SLC14A2: variants seen among roughly 807,000 people sequenced by gnomAD.
SLC14A2 encodes the protein solute carrier family 14 member 2, also known as urea transporter 2.
SLC14A2 carries 91 observed loss-of-function variants against 104.6 expected under a neutral mutation model. That is an observed-to-expected ratio of 0.87 (90% CI 0.73 to 1.04). SLC14A2 has a LOEUF of 1.04. SLC14A2 is among the 50% of genes least tolerant of loss of function. SLC14A2 has a pLI of 0.00. For synonymous variants in SLC14A2, 476 were observed against 466.4 expected, an observed-to-expected ratio of 1.02 and a Z score of -0.27; for missense variants, 1,189 against 1,156.0, an observed-to-expected ratio of 1.03 and a Z score of -0.41.
intron 1 of SLC14A2, among the ~76,000 whole-genome samples, chr18:45,418,914 C>A (rs531024235): frequency 3.3e-5 from 5 of 152,052 alleles, no homozygotes; most frequent in Non-Finnish European, 7.4e-5. Context: ...AGGGTCCACT[C>A]CTGGTGCAAG....
chr18:45,308,253 T>A (rs1053288839), intron 1 of SLC14A2, among the ~76,000 whole-genome samples: 3 of 152,170 alleles, frequency 2.0e-5, no homozygotes, highest in Non-Finnish European at 4.4e-5. Flanking sequence ...TCTGTGTGCA[T>A]GTTTATCTGT....
chr18:45,195,236 C>T, the SLC14A2 span, among the ~76,000 whole-genome samples: 1 of 152,090 alleles, frequency 6.6e-6, no homozygotes, highest in South Asian at 2.1e-4. Context: ...TAGACTTTGG[C>T]CTTAGCCACA....
intron 2 of SLC14A2, among the ~76,000 whole-genome samples, chr18:45,587,796 G>T (rs976675900): frequency 1.3e-5 from 2 of 152,152 alleles, no homozygotes; most frequent in Non-Finnish European, 2.9e-5. Flanking sequence ...GCTATGTGTG[G>T]AAGCTCCCAC....
chr18:45,448,825 G>T (rs2086812880), intron 1 of SLC14A2, among the ~76,000 whole-genome samples: 1 of 152,204 alleles, frequency 6.6e-6, no homozygotes, highest in South Asian at 2.1e-4. Context: ...CAGATTTTTA[G>T]ATCTTCAAAC....
At chr18:45,189,486 G>A in the SLC14A2 span, among the ~76,000 whole-genome samples, 2 of 152,160 alleles carry the variant, frequency 1.3e-5, no homozygotes, top group African/African-American at 4.8e-5. Flanking sequence ...AGCCTATGGA[G>A]AAACTGTCAT....
In SLC14A2 at chr18:45,487,005, C is replaced by T. The variant is rs146161187; in HGVS notation, c.-35+3683C>T. 5.9e-5 allele frequency among the ~76,000 whole-genome samples: 9 copies of T among 152,250 alleles called. No individual in the cohort carries two copies. The East Asian group carries it at 1.5e-3, about 26-fold the overall frequency. On this transcript the variant is annotated intron_variant, in intron 2 of 20. Transcript: ENST00000586448. ...ACTCCTAAGGGACTGTATCAGTTTC[C>T]CATTGCTGCTATAATTAATTATTGC...
intron 1 of SLC14A2, among the ~76,000 whole-genome samples, chr18:45,309,772 C>T (rs1336629080): frequency 6.6e-6 from 1 of 152,160 alleles, no homozygotes; most frequent in African/African-American, 2.4e-5. Context: ...TTTGTAGCCA[C>T]TACCCAACTT....
chr18:45,259,851 G>A (rs909012640), intron 1 of SLC14A2, among the ~76,000 whole-genome samples: 1 of 152,150 alleles, frequency 6.6e-6, no homozygotes, highest in African/African-American at 2.4e-5. Context: ...GAAGTAGATG[G>A]CAGGATTTGT....
intron 1 of SLC14A2, among the ~76,000 whole-genome samples, chr18:45,350,578 G>A (rs182480588): frequency 1.3e-5 from 2 of 152,302 alleles, no homozygotes; most frequent in African/African-American, 4.8e-5. Flanking sequence ...ACTAGTTTAT[G>A]TGACGGGTCA....
chr18:45,354,979 A>T (rs1225976749), intron 1 of SLC14A2, among the ~76,000 whole-genome samples: 1 of 152,222 alleles, frequency 6.6e-6, no homozygotes, highest in Admixed American at 6.5e-5. Flanking sequence ...TGGAGCATAT[A>T]TTGGTAGAAC....
chr18:45,569,849 T>C (rs1599016330), intron 2 of SLC14A2, among the ~76,000 whole-genome samples: 1 of 152,292 alleles, frequency 6.6e-6, no homozygotes. Flanking sequence ...CTGTGTGACC[T>C]TGGGCTAGTC....
intron 1 of SLC14A2, among the ~76,000 whole-genome samples, chr18:45,384,244 C>G (rs903489878): frequency 2.6e-4 from 40 of 152,120 alleles, no homozygotes; most frequent in African/African-American, 8.7e-4. Context: ...GCCACACAGA[C>G]CCTCTCCTCT....
the SLC14A2 span, among the ~76,000 whole-genome samples, chr18:45,197,954 C>T: frequency 1.5e-4 from 23 of 152,192 alleles, no homozygotes; most frequent in South Asian, 4.8e-3. Flanking sequence ...TTTCAAAAGT[C>T]ATTTCTAAAG....
intron 12 of SLC14A2, among the ~76,000 whole-genome samples, chr18:45,666,607 A>G (rs1340342349): frequency 6.6e-6 from 1 of 151,788 alleles, no homozygotes; most frequent in Non-Finnish European, 1.5e-5. Flanking sequence ...AATGTTAAAA[A>G]AAAAAAAAGA....
chr18:45,201,296 T>C, the SLC14A2 span, among the ~76,000 whole-genome samples: 1 of 152,140 alleles, frequency 6.6e-6, no homozygotes, highest in African/African-American at 2.4e-5. Context: ...CCAGCCCACT[T>C]AAAGAGTGGG....
chr18:45,643,904 G>A, intron 9 of SLC14A2, 82 bp from the exon 10 acceptor site: 1 of 1,249,490 alleles, frequency 8.0e-7, no homozygotes, highest in Non-Finnish European at 1.1e-6. Flanking sequence ...CTCAACGCCT[G>A]TCACATCCTT....
chr18:45,341,266 G>T (rs963383954), intron 1 of SLC14A2, among the ~76,000 whole-genome samples: 3 of 151,882 alleles, frequency 2.0e-5, no homozygotes, highest in Non-Finnish European at 4.4e-5. Context: ...AACCCTCAAA[G>T]ACCTTATAAT....
chr18:45,484,395 A>G (rs2087557080), intron 2 of SLC14A2, among the ~76,000 whole-genome samples: 1 of 152,204 alleles, frequency 6.6e-6, no homozygotes, highest in Non-Finnish European at 1.5e-5. Flanking sequence ...GAAGGGTAGC[A>G]CACACTGTGA....
intron 2 of SLC14A2, among the ~76,000 whole-genome samples, chr18:45,497,862 CT>C (rs2043126692): frequency 6.6e-6 from 1 of 152,200 alleles, no homozygotes; most frequent in Admixed American, 6.5e-5. Flanking sequence ...CTTAAGGAAG[CT>C]GTCCGTGCAA....
Sources: allele counts gnomAD v4.1 joint callset (sites outside exome capture counted in the v4.1 genomes callset), GRCh38; gene constraint gnomAD v4.1.1; transcripts MANE v1.5; gene names NCBI Gene and HGNC (gene_info 2026-07-23, HGNC 2026-07-21).